Variants in SLC14A2 observed in about 807,000 individuals in gnomAD.
SLC14A2 encodes solute carrier family 14 member 2, also known as urea transporter 2.
In SLC14A2, 91 loss-of-function variants were observed where a neutral mutation model predicts 104.6. The ratio of observed to expected loss-of-function variants is 0.87; its 90% CI spans 0.73 to 1.04. The LOEUF (loss-of-function observed/expected upper bound fraction) is 1.04, where lower values mean the gene tolerates loss of function less well. Among genes scored for constraint, SLC14A2 ranks in the 50% least tolerant of loss-of-function variants. The pLI is 0.00. For synonymous variants in SLC14A2, 476 were observed against 466.4 expected (o/e 1.02, Z -0.27); for missense variants, 1,189 against 1,156.0 (o/e 1.03, Z -0.41).
intron 1 of SLC14A2, among the ~76,000 whole-genome samples, chr18:45,474,452 G>A (rs2087318021): frequency 6.6e-6 from 1 of 152,142 alleles, no homozygotes; most frequent in Non-Finnish European, 1.5e-5. Flanking sequence ...AGAAGGAGTG[G>A]TACCAGCTCC....
intron 1 of SLC14A2, among the ~76,000 whole-genome samples, chr18:45,235,492 A>G (rs1240913334): frequency 2.0e-5 from 3 of 152,048 alleles, no homozygotes; most frequent in Admixed American, 6.6e-5. Context: ...GTCACCCTAC[A>G]GTACTATAGA....
chr18:45,449,612 T>G (rs1364728637), intron 1 of SLC14A2, among the ~76,000 whole-genome samples: 1 of 152,136 alleles, frequency 6.6e-6, no homozygotes, highest in African/African-American at 2.4e-5. Flanking sequence ...TTCTCCTAAC[T>G]GCCTGCTTGC....
chr18:45,445,658 T>A (rs758194013), intron 1 of SLC14A2, among the ~76,000 whole-genome samples: 1 of 152,182 alleles, frequency 6.6e-6, no homozygotes, highest in Non-Finnish European at 1.5e-5. Context: ...TGTGCAAACA[T>A]TAATTGAAGT....
intron 2 of SLC14A2, among the ~76,000 whole-genome samples, chr18:45,495,647 GC>G (rs2043082689): frequency 6.6e-6 from 1 of 152,132 alleles, no homozygotes; most frequent in South Asian, 2.1e-4. Context: ...GCCTATGTTA[GC>G]CCCCTTCTTC....
At chr18:45,612,728 G>A (rs148809896), upstream of SLC14A2, among the ~76,000 whole-genome samples, 1,143 of 152,294 alleles carry the variant, frequency 7.5e-3, 21 homozygotes, top group African/African-American at 0.026. Context: ...AATATCGTTT[G>A]GAATTTTAAT....
At chr18:45,280,938 G>A (rs918667061) in intron 1 of SLC14A2, among the ~76,000 whole-genome samples, 6 of 151,842 alleles carry the variant, frequency 4.0e-5, no homozygotes, top group Non-Finnish European at 7.4e-5. Flanking sequence ...CCTCCACTTC[G>A]AAAAGAATTC....
chr18:45,582,347 GCTT>G (rs1305680137), intron 2 of SLC14A2, among the ~76,000 whole-genome samples: 1 of 152,136 alleles, frequency 6.6e-6, no homozygotes, highest in Non-Finnish European at 1.5e-5. Context: ...AAAATCCTCT[GCTT>G]CTAGGTTAGA....
chr18:45,630,275 C>T (rs1229465949), intron 4 of SLC14A2, among the ~76,000 whole-genome samples: 1 of 152,170 alleles, frequency 6.6e-6, no homozygotes, highest in Non-Finnish European at 1.5e-5. Flanking sequence ...CATCCATACA[C>T]ATATCTTCTA....
chr18:45,288,183 CCCT>C (rs2084834289), intron 1 of SLC14A2, among the ~76,000 whole-genome samples: 7 of 149,596 alleles, frequency 4.7e-5, no homozygotes, highest in Admixed American at 4.6e-4. Flanking sequence ...TTGATACTGA[CCCT>C]CCTCCTTCTT....
At chr18:45,635,134 G>T (rs1482438858) in intron 5 of SLC14A2, among the ~76,000 whole-genome samples, 1 of 152,174 alleles carries the variant, frequency 6.6e-6, no homozygotes, top group East Asian at 1.9e-4. Flanking sequence ...CAGGAGACAG[G>T]ATACAAATCA....
intron 1 of SLC14A2, among the ~76,000 whole-genome samples, chr18:45,434,479 T>C (rs1405452712): frequency 2.0e-5 from 3 of 152,138 alleles, no homozygotes; most frequent in African/African-American, 7.2e-5. Context: ...TTTGTTGTTG[T>C]TGTTGTTGTT....
intron 1 of SLC14A2, among the ~76,000 whole-genome samples, chr18:45,396,834 C>G (rs1327257188): frequency 6.6e-6 from 1 of 151,972 alleles, no homozygotes; most frequent in Non-Finnish European, 1.5e-5. Context: ...CCTCCACCCT[C>G]AAGTAGACCC....
At chr18:45,680,316 TTCTC>T (rs1191070270) in intron 19 of SLC14A2, among the ~76,000 whole-genome samples, 3 of 152,250 alleles carry the variant, frequency 2.0e-5, no homozygotes, top group Non-Finnish European at 4.4e-5. Context: ...TGACTGGCCT[TTCTC>T]TCTGTTTTCA....
intron 1 of SLC14A2, among the ~76,000 whole-genome samples, chr18:45,419,749 G>A (rs1308054655): frequency 6.8e-6 from 1 of 147,542 alleles, no homozygotes; most frequent in Admixed American, 6.8e-5. Flanking sequence ...ACTCCAGCCT[G>A]GGCGACAGAG....
chr18:45,561,969 T>A (rs1194463036), intron 2 of SLC14A2, among the ~76,000 whole-genome samples: 2 of 152,224 alleles, frequency 1.3e-5, no homozygotes, highest in African/African-American at 4.8e-5. Context: ...TATCCATGCC[T>A]TCATGGATGG....
At chr18:45,550,968 ATAATC>A (rs1420797578) in intron 2 of SLC14A2, among the ~76,000 whole-genome samples, 1 of 152,224 alleles carries the variant, frequency 6.6e-6, no homozygotes, top group Non-Finnish European at 1.5e-5. Context: ...GAGGGCTAGA[ATAATC>A]AGGAAGGCTT....
chr18:45,408,432 T>C (rs768777629), intron 1 of SLC14A2, among the ~76,000 whole-genome samples: 1 of 152,158 alleles, frequency 6.6e-6, no homozygotes, highest in Non-Finnish European at 1.5e-5. Context: ...CCACCCTGAG[T>C]GAAGCTGGAA....
intron 2 of SLC14A2, among the ~76,000 whole-genome samples, chr18:45,500,679 C>G (rs960608339): frequency 1.3e-5 from 2 of 151,942 alleles, no homozygotes; most frequent in African/African-American, 4.8e-5. Context: ...GCATGGTGGT[C>G]AGAACTGTTG....
intron 2 of SLC14A2, among the ~76,000 whole-genome samples, chr18:45,574,485 T>C (rs1299770222): frequency 6.6e-6 from 1 of 152,062 alleles, no homozygotes; most frequent in African/African-American, 2.4e-5. Context: ...ACAAAAACCG[T>C]CCCACCCTCA....
Sources: allele counts gnomAD v4.1 joint callset (sites outside exome capture counted in the v4.1 genomes callset), GRCh38; gene constraint gnomAD v4.1.1; transcripts MANE v1.5; gene names NCBI Gene and HGNC (gene_info 2026-07-23, HGNC 2026-07-21).